The following SAMD12 variants were observed in gnomAD, a reference collection of about 807,000 sequenced individuals.
SAMD12 encodes the protein sterile alpha motif domain-containing protein 12.
Under a neutral mutation model 15.0 loss-of-function variants are expected in SAMD12, and 9 were observed. The observed-to-expected ratio is 0.60, with a 90% CI of 0.36 to 1.05. The LOEUF (loss-of-function observed/expected upper bound fraction) is 1.05, where lower values mean the gene tolerates loss of function less well. Ranked by LOEUF, SAMD12 falls within the 50% of genes least tolerant of loss-of-function variation. The pLI is 0.01. For missense variants in SAMD12, 230 were observed against 234.2 expected, an observed-to-expected ratio of 0.98 and a Z score of 0.12; for synonymous variants, 86 against 90.1, an observed-to-expected ratio of 0.96 and a Z score of 0.25.
chr8:118,468,345 G>T (rs769684548), intron 2 of SAMD12, among the ~76,000 whole-genome samples: 1 of 151,940 alleles, frequency 6.6e-6, no homozygotes, highest in Non-Finnish European at 1.5e-5. Flanking sequence ...GTTTTCTTAC[G>T]TTCACAAAAA....
chr8:118,291,620 A>G (rs1814370349), intron 4 of SAMD12, among the ~76,000 whole-genome samples: 1 of 152,092 alleles, frequency 6.6e-6, no homozygotes, highest in South Asian at 2.1e-4. Flanking sequence ...CTGAAGGGAA[A>G]TATTTACTAA....
chr8:118,413,404 T>C (rs1307129483), intron 3 of SAMD12, among the ~76,000 whole-genome samples: 1 of 152,180 alleles, frequency 6.6e-6, no homozygotes, highest in African/African-American at 2.4e-5. Context: ...TCTGCTATTT[T>C]ATCTTAGGCT....
chr8:118,157,349 T>C, the SAMD12 span, among the ~76,000 whole-genome samples: 3 of 152,044 alleles, frequency 2.0e-5, no homozygotes, highest in Non-Finnish European at 1.5e-5. Flanking sequence ...ATGAAGATAA[T>C]AAACCCACCA....
chr8:118,447,706 A>T lies in SAMD12; in HGVS notation c.193-7745T>A, dbSNP rs181653826. On this transcript the variant is annotated intron_variant, in intron 2 of 3. Transcript: ENST00000314727. ...TATTTTTTTATTTTTTATTTTTAAT[A>T]TTTATTTATTTATTTATTTATTTAT... Among the ~76,000 whole-genome samples, 177 of 128,132 alleles carry T rather than the reference A, an allele frequency of 1.4e-3. 1 individual carries two copies. Among genetic ancestry groups the T allele is most frequent in the African/African-American group, 6.5e-3 (171 of 26,440 alleles). The allele number at this position is 128,132 out of a possible 152,430, so 84.1% of individuals were successfully genotyped here.
intron 4 of SAMD12, among the ~76,000 whole-genome samples, chr8:118,356,518 C>T (rs1348815504): frequency 6.6e-6 from 1 of 152,146 alleles, no homozygotes; most frequent in Non-Finnish European, 1.5e-5. Context: ...CCACAGGATA[C>T]TTTGAGCCTG....
Position 118,379,511 on chromosome 8 carries a change from TTTC to T in SAMD12, c.509_511del (p.Arg170del). The T allele has an allele frequency of 4.3e-6, 7 of 1,613,900 alleles. No homozygotes were observed. Among genetic ancestry groups the T allele is most frequent in the Non-Finnish European group, 5.9e-6 (7 of 1,179,856 alleles). On this transcript the variant is annotated inframe_deletion, in exon 4 of 4. Coordinates refer to ENST00000314727, the MANE Select transcript of SAMD12 (RefSeq NM_207506.3). ...TGTCTGTCCTAATAGTAAGGTGGTC[TTTC>T]TTCTAATCTCCCCATCCATCCACCC...
chr8:118,586,084 C>T (rs975171794), intron 1 of SAMD12, among the ~76,000 whole-genome samples: 3 of 152,154 alleles, frequency 2.0e-5, no homozygotes, highest in African/African-American at 7.2e-5. Flanking sequence ...AAAACACTCC[C>T]AGTTGCCCCT....
chr8:118,260,055 C>T (rs968143227), intron 4 of SAMD12, among the ~76,000 whole-genome samples: 1 of 152,114 alleles, frequency 6.6e-6, no homozygotes, highest in African/African-American at 2.4e-5. Flanking sequence ...AAACAGACGT[C>T]TCCTCTCAGG....
rs558729170 is a variant in SAMD12 at position 118,541,364 on chromosome 8, A to T, written c.192+39351T>A. Among the ~76,000 whole-genome samples the T allele has an allele frequency of 2.6e-5, 4 of 152,242 alleles. No homozygotes were observed. The South Asian group carries it at 8.3e-4, about 32-fold the overall frequency. On this transcript the variant is annotated intron_variant, in intron 2 of 3. Coordinates refer to ENST00000314727, the MANE Select transcript of SAMD12 (RefSeq NM_207506.3). ...ATTTGTAGCTAATCTGAAACTGCCT[A>T]TCCACATACCTTGGGCAAGTCATTG... is the stretch of plus-strand genomic sequence containing the variant.
chr8:118,273,049 T>C (rs1662303625), intron 4 of SAMD12, among the ~76,000 whole-genome samples: 3 of 152,168 alleles, frequency 2.0e-5, no homozygotes. Context: ...ACCATACTAA[T>C]TTACTGTATT....
exon 5 of SAMD12, chr8:118,194,063 C>T (rs1819485628): frequency 6.6e-6 from 1 of 152,062 alleles, no homozygotes; most frequent in African/African-American, 2.4e-5. Context: ...TTTGTTGTTC[C>T]TATGCAAAAT....
At chr8:118,390,807 G>A (rs572540524) in intron 3 of SAMD12, among the ~76,000 whole-genome samples, 2 of 152,250 alleles carry the variant, frequency 1.3e-5, no homozygotes, top group East Asian at 3.9e-4. Flanking sequence ...ATGGAAATTT[G>A]CACTGCAGTT....
intron 2 of SAMD12, among the ~76,000 whole-genome samples, chr8:118,470,167 TTA>T (rs781000204): frequency 5.3e-5 from 8 of 151,800 alleles, no homozygotes; most frequent in Non-Finnish European, 7.4e-5. Context: ...CTAAACACTA[TTA>T]TATGACTCCA....
intron 4 of SAMD12, among the ~76,000 whole-genome samples, chr8:118,302,078 G>GTTATTTTTTTTTTTTT (rs1815063786): frequency 1.3e-5 from 1 of 74,692 alleles, no homozygotes; most frequent in African/African-American, 7.0e-5. Flanking sequence ...ATCTTTGAGA[G>GTTATTTTTTTTTTTTT]TTTTTTTTTT....
the SAMD12 span, among the ~76,000 whole-genome samples, chr8:118,183,497 A>G: frequency 1.3e-5 from 2 of 152,272 alleles, no homozygotes; most frequent in South Asian, 2.1e-4. Flanking sequence ...ATTGTCTAGC[A>G]TAGTGCTTTG....
chr8:118,389,823 T>C (rs1234796933), intron 3 of SAMD12, among the ~76,000 whole-genome samples: 2 of 152,148 alleles, frequency 1.3e-5, no homozygotes, highest in African/African-American at 4.8e-5. Context: ...AGCTAAGTAT[T>C]GCTACTTCTT....
At chr8:118,584,610 G>A (rs1827384805) in intron 1 of SAMD12, among the ~76,000 whole-genome samples, 1 of 152,082 alleles carries the variant, frequency 6.6e-6, no homozygotes, top group Non-Finnish European at 1.5e-5. Flanking sequence ...TAATTTGAAT[G>A]TCATTAATAT....
intron 2 of SAMD12, among the ~76,000 whole-genome samples, chr8:118,496,440 C>T (rs1046898460): frequency 1.2e-4 from 18 of 152,010 alleles, no homozygotes; most frequent in South Asian, 6.2e-4. Flanking sequence ...ATCTAATCTT[C>T]GACAAAGTCA....
At chr8:118,258,810 C>T (rs533778523) in intron 4 of SAMD12, among the ~76,000 whole-genome samples, 15 of 152,160 alleles carry the variant, frequency 9.9e-5, no homozygotes, top group African/African-American at 3.4e-4. Context: ...TAATAGTAAT[C>T]GCAGTGATAC....
Sources: gnomAD v4.1 joint callset for allele counts (sites outside exome capture counted in the v4.1 genomes callset) on GRCh38, gnomAD v4.1.1 for gene constraint, MANE v1.5 for transcripts, NCBI Gene and HGNC (gene_info 2026-07-23, HGNC 2026-07-21) for gene names.